Variants in RBFOX3 observed in about 807,000 individuals in gnomAD.
RBFOX3 encodes RNA binding fox-1 homolog 3, also known as RNA binding protein fox-1 homolog 3.
In RBFOX3, 17 loss-of-function variants were observed where a neutral mutation model predicts 48.7. That is an observed-to-expected ratio of 0.35 (90% CI 0.24 to 0.52). The LOEUF (loss-of-function observed/expected upper bound fraction) is 0.52, where lower values mean the gene tolerates loss of function less well. Ranked by LOEUF, RBFOX3 falls within the 20% of genes least tolerant of loss-of-function variation. The pLI is 0.94. For missense variants in RBFOX3, 382 were observed against 497.5 expected (o/e 0.77, Z 2.21); for synonymous variants, 212 against 209.5 (o/e 1.01, Z -0.10).
rs116443935 is a variant in RBFOX3, at chr17:79,134,534, C to T, written c.-33-18786G>A. ...CTGGGACACAGTGAGGTCTGTGTTG[C>T]ATGGTGAGCTTTGAGACTCTGCTCC... On this transcript the variant is annotated intron_variant, in intron 4 of 14. Coordinates refer to ENST00000693108, the MANE Select transcript of RBFOX3 (RefSeq NM_001350451.2). Among the ~76,000 whole-genome samples the T allele has an allele frequency of 6.0e-3, 914 of 152,336 alleles. 11 individuals are homozygous for T. The highest frequency in any genetic ancestry group is 0.021 in the African/African-American group (860 of 41,570).
intron 3 of RBFOX3, among the ~76,000 whole-genome samples, chr17:79,259,382 C>T (rs986772345): frequency 1.1e-4 from 17 of 152,174 alleles, no homozygotes; most frequent in African/African-American, 3.4e-4. Context: ...CCTGCCCTTC[C>T]GTGGTGAGGG....
intron 2 of RBFOX3, among the ~76,000 whole-genome samples, chr17:79,318,267 G>A (rs1272252199): frequency 6.6e-6 from 1 of 152,208 alleles, no homozygotes; most frequent in Admixed American, 6.5e-5. Context: ...GGAGGGAAGA[G>A]GAGAAGGAGG....
the RBFOX3 span, among the ~76,000 whole-genome samples, chr17:79,643,445 G>A: frequency 2.0e-5 from 3 of 152,082 alleles, no homozygotes; most frequent in Non-Finnish European, 4.4e-5. Context: ...TGTCCTAATA[G>A]CCATTTATAG....
At chr17:79,170,117 A>AGGAAGGAAGGAAGGAGGAAGGAG (rs2145689484) in intron 4 of RBFOX3, among the ~76,000 whole-genome samples, 1 of 123,928 alleles carries the variant, frequency 8.1e-6, no homozygotes, top group African/African-American at 3.9e-5. Flanking sequence ...AGGAGGAGGA[A>AGGAAGGAAGGAAGGAGGAAGGAG]GGAAGGAAGG....
At chr17:79,612,189 T>G (rs1172858732), upstream of RBFOX3, among the ~76,000 whole-genome samples, 4 of 152,048 alleles carry the variant, frequency 2.6e-5, no homozygotes, top group Non-Finnish European at 5.9e-5. Flanking sequence ...CAAAAGACAT[T>G]CTGGTGCAGC....
At chr17:79,639,251 T>G in the RBFOX3 span, among the ~76,000 whole-genome samples, 1 of 152,120 alleles carries the variant, frequency 6.6e-6, no homozygotes, top group East Asian at 1.9e-4. Context: ...CTCGGCTCAC[T>G]GCAAGCTCTG....
chr17:79,263,917 G>A (rs912290254), intron 3 of RBFOX3, among the ~76,000 whole-genome samples: 4 of 152,030 alleles, frequency 2.6e-5, no homozygotes, highest in African/African-American at 9.7e-5. Context: ...GCCCTAAATC[G>A]AATAGCGGTT....
intron 4 of RBFOX3, among the ~76,000 whole-genome samples, chr17:79,160,972 C>T (rs2046852382): frequency 7.3e-6 from 1 of 137,474 alleles, no homozygotes. Context: ...AAGAGCGAGA[C>T]TCCATCTCAA....
chr17:79,241,845 T>A (rs1351119425), intron 3 of RBFOX3, among the ~76,000 whole-genome samples: 1 of 152,150 alleles, frequency 6.6e-6, no homozygotes, highest in Admixed American at 6.5e-5. Context: ...CTCCCTGGTG[T>A]CTGTTCTTGT....
At chr17:79,430,484 G>T (rs970147322) in intron 2 of RBFOX3, among the ~76,000 whole-genome samples, 1 of 152,072 alleles carries the variant, frequency 6.6e-6, no homozygotes, top group Non-Finnish European at 1.5e-5. Flanking sequence ...TATCAAATAC[G>T]CTTTTGCAAG....
intron 2 of RBFOX3, among the ~76,000 whole-genome samples, chr17:79,440,291 C>A (rs1250568423): frequency 1.3e-5 from 2 of 152,214 alleles, no homozygotes; most frequent in African/African-American, 4.8e-5. Flanking sequence ...CACGGCATTT[C>A]CCATGTCCCA....
intron 2 of RBFOX3, among the ~76,000 whole-genome samples, chr17:79,450,443 G>T (rs1033902941): frequency 6.6e-6 from 1 of 152,046 alleles, no homozygotes; most frequent in South Asian, 2.1e-4. Context: ...TGTCCCCATC[G>T]GAGCCATCCT....
At chr17:79,126,751 A>C (rs920383424) in intron 4 of RBFOX3, among the ~76,000 whole-genome samples, 1 of 152,128 alleles carries the variant, frequency 6.6e-6, no homozygotes, top group Admixed American at 6.5e-5. Flanking sequence ...CGCCAGACAA[A>C]GTCTCCTCTG....
chr17:79,549,880 G>T, intron 1 of RBFOX3, among the ~76,000 whole-genome samples: 1 of 152,208 alleles, frequency 6.6e-6, no homozygotes, highest in Non-Finnish European at 1.5e-5. Context: ...AGGCTTTAGT[G>T]ATATGATGGA....
At chr17:79,608,768 C>G (rs1037305965) in intron 1 of RBFOX3, among the ~76,000 whole-genome samples, 72 of 146,636 alleles carry the variant, frequency 4.9e-4, no homozygotes, top group African/African-American at 1.8e-3. Context: ...CAGGAGTGTG[C>G]GGTGAGCGGT....
chr17:79,409,745 C>T (rs11077438), intron 2 of RBFOX3, among the ~76,000 whole-genome samples: 32,006 of 152,252 alleles, frequency 0.21, 3,587 homozygotes, highest in Admixed American at 0.29. Context: ...ACAGAGCGGG[C>T]AGGCAGGTCC....
intron 1 of RBFOX3, among the ~76,000 whole-genome samples, chr17:79,555,491 CAG>C (rs2091612832): frequency 1.1e-5 from 1 of 88,254 alleles, no homozygotes; most frequent in African/African-American, 5.2e-5. Flanking sequence ...GTGGTGATGA[CAG>C]TGGTGGTGGT....
chr17:79,484,534 AGGGGCCTGGGTGCAG>A (rs1280161908), intron 1 of RBFOX3, among the ~76,000 whole-genome samples: 6 of 5,700 alleles, frequency 1.1e-3, no homozygotes, highest in South Asian at 5.9e-3. Flanking sequence ...GCCTGGGTGC[AGGGGCCTGGGTGCAG>A]GGGGCCTGGG....
At chr17:79,621,743 A>G in the RBFOX3 span, among the ~76,000 whole-genome samples, 2 of 152,198 alleles carry the variant, frequency 1.3e-5, no homozygotes, top group African/African-American at 4.8e-5. Flanking sequence ...TGTGGGATGC[A>G]GCCTCTATGG....
Sources: gnomAD v4.1 joint callset for allele counts (sites outside exome capture counted in the v4.1 genomes callset) on GRCh38, gnomAD v4.1.1 for gene constraint, MANE v1.5 for transcripts, NCBI Gene and HGNC (gene_info 2026-07-23, HGNC 2026-07-21) for gene names.